The following RBFOX1 variants were observed in gnomAD, a reference collection of about 807,000 sequenced individuals.
RBFOX1 encodes RNA binding fox-1 homolog 1.
In RBFOX1, 8 loss-of-function variants were observed where a neutral mutation model predicts 57.7. The ratio of observed to expected loss-of-function variants is 0.14; its 90% CI spans 0.08 to 0.25. The LOEUF is 0.25. Among genes scored for constraint, RBFOX1 ranks in the 10% least tolerant of loss-of-function variants. The pLI, the probability that RBFOX1 is intolerant of heterozygous loss-of-function variation, is 1.00. For synonymous variants in RBFOX1, 326 were observed against 222.4 expected, an observed-to-expected ratio of 1.47 and a Z score of -4.15; for missense variants, 611 against 548.5, an observed-to-expected ratio of 1.11 and a Z score of -1.14.
intron 4 of RBFOX1, among the ~76,000 whole-genome samples, chr16:7,408,935 C>T (rs1407524682): frequency 6.6e-6 from 1 of 152,176 alleles, no homozygotes; most frequent in African/African-American, 2.4e-5. Flanking sequence ...TCATGTAAAT[C>T]ATTGCATGTT....
intron 3 of RBFOX1, among the ~76,000 whole-genome samples, chr16:6,903,819 C>G (rs981532072): frequency 6.6e-6 from 1 of 152,128 alleles, no homozygotes; most frequent in African/African-American, 2.4e-5. Context: ...GCAATTGCAT[C>G]CCCAACAGGC....
intron 3 of RBFOX1, among the ~76,000 whole-genome samples, chr16:6,706,124 C>G (rs1274597004): frequency 1.3e-5 from 2 of 152,156 alleles, no homozygotes; most frequent in Admixed American, 1.3e-4. Flanking sequence ...TGGCTTTGTA[C>G]AGGCATTGTA....
chr16:5,920,720 C>G (rs1597797435), intron 4 of RBFOX1, among the ~76,000 whole-genome samples: 1 of 152,178 alleles, frequency 6.6e-6, no homozygotes, highest in Admixed American at 6.5e-5. Context: ...AGGGCCGTCC[C>G]TAGACAATGA....
intron 10 of RBFOX1, among the ~76,000 whole-genome samples, chr16:7,624,908 G>C (rs1312219948): frequency 6.6e-6 from 1 of 152,168 alleles, no homozygotes; most frequent in African/African-American, 2.4e-5. Context: ...CACACGTGGA[G>C]TGGTTTTAAG....
intron 4 of RBFOX1, among the ~76,000 whole-genome samples, chr16:7,384,764 G>T (rs901826357): frequency 6.6e-6 from 1 of 152,206 alleles, no homozygotes; most frequent in African/African-American, 2.4e-5. Flanking sequence ...AATATTTATT[G>T]AATGCCAACC....
intron 1 of RBFOX1, among the ~76,000 whole-genome samples, chr16:5,440,052 G>A (rs1480261149): frequency 6.6e-6 from 1 of 152,144 alleles, no homozygotes; most frequent in Non-Finnish European, 1.5e-5. Context: ...AATATGGGGA[G>A]ATGATAAAAT....
chr16:6,068,613 G>C (rs2095796996), intron 1 of RBFOX1, among the ~76,000 whole-genome samples: 1 of 152,136 alleles, frequency 6.6e-6, no homozygotes, highest in African/African-American at 2.4e-5. Flanking sequence ...GACAAGATAA[G>C]GATAATCATC....
At chr16:5,658,174 G>A (rs931317281) in intron 3 of RBFOX1, among the ~76,000 whole-genome samples, 2 of 152,182 alleles carry the variant, frequency 1.3e-5, no homozygotes, top group African/African-American at 4.8e-5. Context: ...CAGAGGAAAT[G>A]AAGAAAGGCT....
At chr16:7,064,137 C>G (rs1044362170) in intron 4 of RBFOX1, among the ~76,000 whole-genome samples, 2 of 149,072 alleles carry the variant, frequency 1.3e-5, no homozygotes, top group Admixed American at 1.3e-4. Context: ...TAAGCGTGGG[C>G]CCTAATCCAG....
At chr16:6,138,443 C>A (rs1567541594) in intron 1 of RBFOX1, among the ~76,000 whole-genome samples, 1 of 152,188 alleles carries the variant, frequency 6.6e-6, no homozygotes, top group Non-Finnish European at 1.5e-5. Flanking sequence ...AGATCTACTT[C>A]CCTGCTCATA....
intron 4 of RBFOX1, among the ~76,000 whole-genome samples, chr16:7,360,467 C>T (rs764250233): frequency 1.3e-5 from 2 of 152,124 alleles, no homozygotes; most frequent in Non-Finnish European, 2.9e-5. Context: ...GAAGCCTTTA[C>T]TAATTCTTGA....
chr16:7,126,913 G>A (rs961516299), intron 4 of RBFOX1, among the ~76,000 whole-genome samples: 1 of 151,584 alleles, frequency 6.6e-6, no homozygotes, highest in African/African-American at 2.4e-5. Flanking sequence ...GGAGGCTGAG[G>A]CAGGAGAATA....
chr16:6,576,498 T>C (rs9939534), intron 2 of RBFOX1, among the ~76,000 whole-genome samples: 61,602 of 152,076 alleles, frequency 0.41, 14,002 homozygotes, highest in East Asian at 0.66. Context: ...CTGTTCATTC[T>C]TCTAAGGGTC....
intron 1 of RBFOX1, among the ~76,000 whole-genome samples, chr16:5,311,728 C>G (rs1596481981): frequency 6.6e-6 from 1 of 152,068 alleles, no homozygotes; most frequent in African/African-American, 2.4e-5. Context: ...GTCATTTGTC[C>G]ACTTTTCGAT....
At chr16:5,448,147 G>T (rs185180626) in intron 1 of RBFOX1, among the ~76,000 whole-genome samples, 1 of 152,220 alleles carries the variant, frequency 6.6e-6, no homozygotes, top group Admixed American at 6.5e-5. Flanking sequence ...TTGTCAATAG[G>T]GGCAGCCTAA....
intron 11 of RBFOX1, among the ~76,000 whole-genome samples, chr16:7,643,976 G>T (rs1348649247): frequency 2.0e-5 from 3 of 152,160 alleles, no homozygotes; most frequent in Non-Finnish European, 4.4e-5. Context: ...TGATGAATTG[G>T]GGCTGGCTCT....
At chr16:5,890,100 CTG>C (rs1364586503) in intron 4 of RBFOX1, among the ~76,000 whole-genome samples, 1 of 152,142 alleles carries the variant, frequency 6.6e-6, no homozygotes, top group African/African-American at 2.4e-5. Context: ...CTTGGGTAAA[CTG>C]TACTCTTTGC....
In RBFOX1 at chr16:5,458,912, C is replaced by A. The variant is rs1022124550; in HGVS notation, c.220-8304C>A. Among the ~76,000 whole-genome samples the A allele has an allele frequency of 1.6e-4, 25 of 152,306 alleles. 1 individual carries two copies. The East Asian group carries it at 3.7e-3, about 22-fold the overall frequency. On this transcript the variant is annotated intron_variant, in intron 1 of 2. Coordinates refer to the RBFOX1 transcript ENST00000585867. ...TCCCTCTGCTAATGGATCTCATAGT[C>A]TTGTGGCAGAAGCCAAGAGCACCTG...
intron 3 of RBFOX1, among the ~76,000 whole-genome samples, chr16:5,817,757 C>G (rs1211360154): frequency 6.7e-6 from 1 of 149,444 alleles, no homozygotes; most frequent in Non-Finnish European, 1.5e-5. Flanking sequence ...TACAGTGGCG[C>G]AGTCTGGGCT....
Sources: gnomAD v4.1 joint callset for allele counts (sites outside exome capture counted in the v4.1 genomes callset) on GRCh38, gnomAD v4.1.1 for gene constraint, MANE v1.5 for transcripts, NCBI Gene and HGNC (gene_info 2026-07-23, HGNC 2026-07-21) for gene names.